EML1: variants seen among roughly 807,000 people sequenced by gnomAD.
EML1 encodes the protein EMAP like 1.
A neutral mutation model predicts 110.4 loss-of-function variants in EML1; 27 were observed. The ratio of observed to expected loss-of-function variants is 0.24; its 90% CI spans 0.18 to 0.34. The LOEUF (loss-of-function observed/expected upper bound fraction) is 0.34. Ranked by LOEUF, EML1 falls within the 10% of genes least tolerant of loss-of-function variation. EML1 has a pLI of 1.00. For synonymous variants in EML1, 344 were observed against 385.8 expected (o/e 0.89, Z 1.27); for missense variants, 741 against 1,030.9 (o/e 0.72, Z 3.85).
chr14:99,930,040 A>G (rs1239504706), intron 17 of EML1, among the ~76,000 whole-genome samples: 1 of 152,114 alleles, frequency 6.6e-6, no homozygotes, highest in East Asian at 1.9e-4. Flanking sequence ...CCCCTGCCCA[A>G]AGATAAATGC....
At chr14:99,829,853 G>A (rs1006939408) in intron 1 of EML1, among the ~76,000 whole-genome samples, 6 of 152,116 alleles carry the variant, frequency 3.9e-5, no homozygotes, top group African/African-American at 9.7e-5. Flanking sequence ...AATAATATTC[G>A]ATTATATGGA....
At chr14:99,798,068 A>T (rs887244324) in intron 1 of EML1, among the ~76,000 whole-genome samples, 8 of 152,228 alleles carry the variant, frequency 5.3e-5, no homozygotes. Flanking sequence ...TTCTCCAGAC[A>T]GTTCAGACTG....
chr14:99,920,512 A>G (rs1007779435), intron 16 of EML1, among the ~76,000 whole-genome samples: 1 of 152,190 alleles, frequency 6.6e-6, no homozygotes, highest in Non-Finnish European at 1.5e-5. Flanking sequence ...CTTTCTCTCC[A>G]TGTGTAAATG....
At chr14:99,823,785 C>G (rs2058304042) in intron 1 of EML1, among the ~76,000 whole-genome samples, 1 of 152,098 alleles carries the variant, frequency 6.6e-6, no homozygotes, top group Admixed American at 6.5e-5. Context: ...AAAACAGTGA[C>G]TGAAGGGACA....
intron 9 of EML1, chr14:99,907,319 G>A (rs2059867430): frequency 3.7e-6 from 1 of 273,912 alleles, no homozygotes; most frequent in Non-Finnish European, 6.8e-6. Flanking sequence ...ATAATAAAGA[G>A]TAGCTGGGAG....
upstream of EML1, among the ~76,000 whole-genome samples, chr14:99,772,674 C>T (rs1201276763): frequency 6.6e-6 from 1 of 152,162 alleles, no homozygotes; most frequent in African/African-American, 2.4e-5. Flanking sequence ...TTGCTTCATA[C>T]CAGAAGTGGA....
chr14:99,791,425 C>A (rs1035532171), upstream of EML1, among the ~76,000 whole-genome samples: 1 of 152,208 alleles, frequency 6.6e-6, no homozygotes, highest in African/African-American at 2.4e-5. Flanking sequence ...GAATGTCCTT[C>A]TCTCTCCTTT....
rs556628677 is a variant in EML1 at position 99,906,159 on chromosome 14, G to A, written c.1009-1479G>A. 5.5e-4 allele frequency among the ~76,000 whole-genome samples: 84 copies of A among 152,244 alleles called. 2 individuals carry two copies. The South Asian group carries it at 0.017, about 30-fold the overall frequency. ...CCCAAAGTCAGCGTTTGGGTTGGGG[G>A]TTTCCTCAGTGTCATCGCTTCATGG... On this transcript the variant is annotated intron_variant, in intron 9 of 21. Transcript: ENST00000262233.
chr14:99,839,832 G>T (rs2058604576), intron 1 of EML1, among the ~76,000 whole-genome samples: 2 of 152,176 alleles, frequency 1.3e-5, no homozygotes, highest in Non-Finnish European at 2.9e-5. Context: ...TCTTGTGGCA[G>T]GTCCAGCTTG....
At chr14:99,868,348 C>A (rs2059136923) in intron 3 of EML1, among the ~76,000 whole-genome samples, 1 of 152,082 alleles carries the variant, frequency 6.6e-6, no homozygotes, top group Non-Finnish European at 1.5e-5. Context: ...GGAAGTGTTC[C>A]CTCCTCCTCA....
intron 1 of EML1, among the ~76,000 whole-genome samples, chr14:99,765,104 AT>A (rs1231874780): frequency 2.0e-5 from 3 of 151,588 alleles, no homozygotes; most frequent in East Asian, 1.9e-4. Flanking sequence ...TGCACAGCTA[AT>A]TTTTTTTCTT....
At chr14:99,914,439 T>C (rs1419563733) in intron 14 of EML1, 127 bp from the exon 15 acceptor site, 39 of 1,528,454 alleles carry the variant, frequency 2.6e-5, no homozygotes, top group African/African-American at 4.2e-5. Context: ...TGCTGAAAGA[T>C]GGGAGGAGAG....
chr14:99,864,346 C>T (rs1415441322), intron 2 of EML1, among the ~76,000 whole-genome samples: 1 of 152,168 alleles, frequency 6.6e-6, no homozygotes, highest in African/African-American at 2.4e-5. Context: ...TAATGAAGTC[C>T]AAACTATCAA....
intron 5 of EML1, 93 bp from the exon 6 acceptor site, chr14:99,894,536 C>T: frequency 1.4e-6 from 2 of 1,388,358 alleles, no homozygotes. Flanking sequence ...AAAAGTTTCT[C>T]TTTTATACTG....
At chr14:99,937,232 G>A (rs979724745) in intron 19 of EML1, among the ~76,000 whole-genome samples, 3 of 152,170 alleles carry the variant, frequency 2.0e-5, no homozygotes, top group African/African-American at 7.2e-5. Context: ...GAGGGCGGCC[G>A]CACCGTCTCA....
intron 1 of EML1, among the ~76,000 whole-genome samples, chr14:99,846,389 T>C (rs963049870): frequency 1.3e-5 from 2 of 151,136 alleles, no homozygotes; most frequent in Admixed American, 1.3e-4. Context: ...TTCAAGCGAT[T>C]CTCCTGCCTC....
intron 2 of EML1, among the ~76,000 whole-genome samples, chr14:99,854,870 G>A (rs1194289556): frequency 6.6e-6 from 1 of 152,048 alleles, no homozygotes; most frequent in Non-Finnish European, 1.5e-5. Flanking sequence ...GTTGGAGTGG[G>A]GCAATACTCT....
intron 3 of EML1, among the ~76,000 whole-genome samples, chr14:99,872,905 G>C (rs1315689481): frequency 1.3e-5 from 2 of 152,076 alleles, no homozygotes. Flanking sequence ...TCTTTTCTCC[G>C]GGGGTTTTTC....
At chr14:99,776,584 T>C (rs2057485617) in intron 1 of EML1, among the ~76,000 whole-genome samples, 1 of 152,128 alleles carries the variant, frequency 6.6e-6, no homozygotes, top group African/African-American at 2.4e-5. Flanking sequence ...CTATCAGGTT[T>C]ATTGGATATA....
Sources: gnomAD v4.1 joint callset for allele counts (sites outside exome capture counted in the v4.1 genomes callset) on GRCh38, gnomAD v4.1.1 for gene constraint, MANE v1.5 for transcripts, NCBI Gene and HGNC (gene_info 2026-07-23, HGNC 2026-07-21) for gene names.